CADM2: variants seen among roughly 807,000 people sequenced by gnomAD.
CADM2 encodes the protein cell adhesion molecule 2.
CADM2 carries 12 observed loss-of-function variants against 49.8 expected under a neutral mutation model. That is an observed-to-expected ratio of 0.24 (90% CI 0.15 to 0.39). The LOEUF is 0.39. Ranked by LOEUF, CADM2 falls within the 10% of genes least tolerant of loss-of-function variation. The pLI is 1.00. For missense variants in CADM2, 378 were observed against 492.3 expected (o/e 0.77, Z 2.20); for synonymous variants, 214 against 175.4 (o/e 1.22, Z -1.74).
chr3:85,321,114 ATATTTTTTTTTTTTTTTTTTTTTTTTT>A (rs1389159453), intron 1 of CADM2, among the ~76,000 whole-genome samples: 466 of 34,158 alleles, frequency 0.014, 42 homozygotes, highest in African/African-American at 0.033. Flanking sequence ...ATATATATAT[ATATTTTTTTTTTTTTTTTTTTTTTTTT>A]TTTTTTTTTT....
intron 1 of CADM2, among the ~76,000 whole-genome samples, chr3:85,699,437 C>T (rs879495984): frequency 1.3e-5 from 2 of 152,246 alleles, no homozygotes; most frequent in Non-Finnish European, 2.9e-5. Flanking sequence ...AAGCAGGCTT[C>T]TGCTTAGACA....
intron 3 of CADM2, among the ~76,000 whole-genome samples, chr3:85,823,623 A>G (rs1429263252): frequency 7.9e-5 from 12 of 152,176 alleles, no homozygotes; most frequent in Admixed American, 7.2e-4. Flanking sequence ...AAGATTATCC[A>G]TAATCTTCAC....
chr3:86,006,495 G>T (rs1193666883), intron 8 of CADM2, among the ~76,000 whole-genome samples: 1 of 152,194 alleles, frequency 6.6e-6, no homozygotes, highest in Non-Finnish European at 1.5e-5. Context: ...TTCTCTCTGT[G>T]CTAGAGGGTA....
In CADM2 at chr3:85,376,762, G is replaced by A. The variant is rs942966578; in HGVS notation, c.62-349760G>A. The stretch of plus-strand genomic sequence containing the variant: ...AACTCATGCTATTTGGACTTCATAA[G>A]CAACATTTTAAAGTTTATACAATTG... On this transcript the variant is annotated intron_variant, in intron 1 of 9. Transcript: ENST00000383699. Among the ~76,000 whole-genome samples, 7 of 151,714 alleles carry A rather than the reference G, an allele frequency of 4.6e-5. 1 individual carries two copies. Among genetic ancestry groups the A allele is most frequent in the African/African-American group, 7.3e-5 (3 of 41,330 alleles).
chr3:85,917,017 T>G (rs1474532256), intron 6 of CADM2, among the ~76,000 whole-genome samples: 2 of 150,850 alleles, frequency 1.3e-5, no homozygotes, highest in East Asian at 3.9e-4. Context: ...TTTGATGGGG[T>G]TTTTTTTTAT....
intron 1 of CADM2, among the ~76,000 whole-genome samples, chr3:85,419,443 G>A (rs756898364): frequency 1.5e-5 from 2 of 136,446 alleles, no homozygotes; most frequent in African/African-American, 2.7e-5. Flanking sequence ...GGGCGACAGA[G>A]CAAGACTCCG....
intron 7 of CADM2, among the ~76,000 whole-genome samples, chr3:85,939,502 C>CACACACACAA (rs1479054163): frequency 6.6e-6 from 1 of 150,770 alleles, no homozygotes; most frequent in Non-Finnish European, 1.5e-5. Flanking sequence ...CACACACACA[C>CACACACACAA]AACATGAAAC....
intron 1 of CADM2, among the ~76,000 whole-genome samples, chr3:85,387,588 C>T (rs1270308062): frequency 6.6e-6 from 1 of 152,060 alleles, no homozygotes; most frequent in African/African-American, 2.4e-5. Context: ...GCAGGCAGTT[C>T]TCTGAAATGG....
intron 1 of CADM2, among the ~76,000 whole-genome samples, chr3:85,565,965 C>T (rs1006284711): frequency 2.0e-5 from 3 of 151,878 alleles, no homozygotes; most frequent in African/African-American, 7.3e-5. Context: ...TGAAAGATGG[C>T]TCAAAAGGAA....
chr3:84,969,866 A>T (rs967723281), intron 1 of CADM2, among the ~76,000 whole-genome samples: 5 of 151,820 alleles, frequency 3.3e-5, no homozygotes, highest in African/African-American at 1.2e-4. Context: ...TCTTTAATCT[A>T]CTTTCTAAAG....
chr3:85,799,709 C>A (rs1014414710), intron 2 of CADM2, among the ~76,000 whole-genome samples: 2 of 152,128 alleles, frequency 1.3e-5, no homozygotes, highest in Non-Finnish European at 2.9e-5. Context: ...GTATTACCAG[C>A]GGAGGCTGCA....
intron 1 of CADM2, among the ~76,000 whole-genome samples, chr3:85,543,246 A>T (rs1285525472): frequency 9.3e-5 from 4 of 42,838 alleles, no homozygotes; most frequent in Admixed American, 3.7e-4. Context: ...TTATTTATTT[A>T]TTTATTTTTT....
intron 1 of CADM2, among the ~76,000 whole-genome samples, chr3:85,124,253 A>G (rs1474251688): frequency 6.6e-6 from 1 of 152,228 alleles, no homozygotes; most frequent in East Asian, 1.9e-4. Flanking sequence ...AAAGATTTAC[A>G]TATACAGATA....
chr3:85,374,301 A>C (rs1222806940), intron 1 of CADM2, among the ~76,000 whole-genome samples: 1 of 152,130 alleles, frequency 6.6e-6, no homozygotes, highest in East Asian at 1.9e-4. Flanking sequence ...ACAGGTCTCT[A>C]GGGCTGGGGC....
chr3:85,631,198 A>C (rs1336318747), intron 1 of CADM2, among the ~76,000 whole-genome samples: 1 of 152,038 alleles, frequency 6.6e-6, no homozygotes, highest in Non-Finnish European at 1.5e-5. Flanking sequence ...TCTTCAGAGA[A>C]GCATTTCTGA....
chr3:85,917,195 T>G (rs543512416), intron 6 of CADM2, among the ~76,000 whole-genome samples: 263 of 150,512 alleles, frequency 1.7e-3, no homozygotes, highest in African/African-American at 2.9e-3. Context: ...GTCAATTTTG[T>G]CTTTTGTTGC....
At chr3:85,500,659 A>G (rs1281622051) in intron 1 of CADM2, among the ~76,000 whole-genome samples, 2 of 151,984 alleles carry the variant, frequency 1.3e-5, no homozygotes, top group East Asian at 3.9e-4. Context: ...CTAGGACTAC[A>G]GGTGCCCGCT....
chr3:85,509,881 G>T (rs1461292707), intron 1 of CADM2, among the ~76,000 whole-genome samples: 1 of 151,796 alleles, frequency 6.6e-6, no homozygotes, highest in Non-Finnish European at 1.5e-5. Context: ...ATAGTATTTA[G>T]CTTATTATAA....
intron 1 of CADM2, among the ~76,000 whole-genome samples, chr3:85,032,015 T>A (rs906447764): frequency 5.3e-5 from 8 of 152,174 alleles, no homozygotes; most frequent in East Asian, 3.9e-4. Context: ...TTGGTTCATG[T>A]TAGATACTCA....
Sources: gnomAD v4.1 joint callset for allele counts (sites outside exome capture counted in the v4.1 genomes callset) on GRCh38, gnomAD v4.1.1 for gene constraint, MANE v1.5 for transcripts, NCBI Gene and HGNC (gene_info 2026-07-23, HGNC 2026-07-21) for gene names.